Variants in GFRA2 observed in about 807,000 individuals in gnomAD.
GFRA2 encodes the protein GDNF family receptor alpha-2.
A neutral mutation model predicts 48.3 loss-of-function variants in GFRA2; 17 were observed. The observed-to-expected ratio is 0.35, with a 90% CI of 0.24 to 0.53. The LOEUF (loss-of-function observed/expected upper bound fraction) is 0.53. GFRA2 is among the 20% of genes least tolerant of loss of function. The probability of loss-of-function intolerance (pLI) is 0.93; values close to 1 mark genes in which losing one functional copy is unlikely to be tolerated. For missense variants in GFRA2, 660 were observed against 637.3 expected (o/e 1.04, Z -0.38); for synonymous variants, 305 against 257.2 (o/e 1.19, Z -1.78).
At chr8:21,776,838 C>T (rs1368280507) in intron 2 of GFRA2, among the ~76,000 whole-genome samples, 1 of 152,088 alleles carries the variant, frequency 6.6e-6, no homozygotes, top group Non-Finnish European at 1.5e-5. Context: ...CCCTGTCCAG[C>T]CTGGATGATC....
chr8:21,801,376 C>A (rs1807767658), intron 2 of GFRA2, among the ~76,000 whole-genome samples: 1 of 152,126 alleles, frequency 6.6e-6, no homozygotes, highest in African/African-American at 2.4e-5. Flanking sequence ...ATGGGCTGCA[C>A]AGGAGCAACC....
chr8:21,767,201 A>G (rs1250366765), intron 3 of GFRA2, among the ~76,000 whole-genome samples: 3 of 146,686 alleles, frequency 2.0e-5, no homozygotes, highest in African/African-American at 7.6e-5. Flanking sequence ...CCGCCTACAC[A>G]TATCCACCAT....
chr8:21,799,672 C>T (rs1807738447), intron 2 of GFRA2, among the ~76,000 whole-genome samples: 1 of 152,178 alleles, frequency 6.6e-6, no homozygotes, highest in African/African-American at 2.4e-5. Context: ...GCAGTGTGAT[C>T]CCCTGCCCAC....
At chr8:21,772,630 C>T (rs985050568) in intron 3 of GFRA2, among the ~76,000 whole-genome samples, 11 of 152,328 alleles carry the variant, frequency 7.2e-5, no homozygotes, top group Middle Eastern at 6.8e-3. Flanking sequence ...GTCCCCAAAG[C>T]CCAGCCCTCA....
At chr8:21,703,731 G>C (rs1802600863) in intron 6 of GFRA2, among the ~76,000 whole-genome samples, 1 of 152,148 alleles carries the variant, frequency 6.6e-6, no homozygotes, top group African/African-American at 2.4e-5. Context: ...AGCCCGCTGA[G>C]CTCACCTCCT....
intron 4 of GFRA2, among the ~76,000 whole-genome samples, chr8:21,733,596 G>A (rs1485297860): frequency 6.6e-6 from 1 of 152,188 alleles, no homozygotes; most frequent in Non-Finnish European, 1.5e-5. Flanking sequence ...AGGCCGAATA[G>A]GACCCGTGGC....
intron 4 of GFRA2, among the ~76,000 whole-genome samples, chr8:21,729,477 T>A (rs550253400): frequency 2.6e-5 from 4 of 151,546 alleles, no homozygotes; most frequent in African/African-American, 9.7e-5. Context: ...TCTCAGAGAG[T>A]GAAAGCTGGG....
At chr8:21,793,184 A>C (rs1038136533), upstream of GFRA2, among the ~76,000 whole-genome samples, 15 of 152,344 alleles carry the variant, frequency 9.8e-5, no homozygotes, top group East Asian at 2.9e-3. Flanking sequence ...AGAAGAACCA[A>C]GCCTTGCAGT....
rs953924516 is a variant in GFRA2 at position 21,717,518 on chromosome 8, T to C, written c.795-11477A>G. ...CACTGTTCATTATGTTCATTTTTAA[T>C]AAACTTGCCTTATGATTGTAATTAT... is the stretch of plus-strand genomic sequence containing the variant. On this transcript the variant is annotated intron_variant, in intron 4 of 8. Coordinates refer to ENST00000524240, the MANE Select transcript of GFRA2 (RefSeq NM_001495.5). Among the ~76,000 whole-genome samples the C allele has an allele frequency of 1.1e-4, 17 of 152,368 alleles. No homozygotes were observed. The South Asian group carries it at 3.3e-3, about 30-fold the overall frequency.
intron 4 of GFRA2, among the ~76,000 whole-genome samples, chr8:21,725,867 G>T (rs917484904): frequency 2.6e-5 from 4 of 152,218 alleles, no homozygotes; most frequent in African/African-American, 9.6e-5. Flanking sequence ...CACCCGCTGG[G>T]GTTGGGTGTG....
intron 6 of GFRA2, among the ~76,000 whole-genome samples, chr8:21,703,459 C>T (rs1802584469): frequency 6.6e-6 from 1 of 152,092 alleles, no homozygotes; most frequent in South Asian, 2.1e-4. Context: ...CCACTCCACA[C>T]CACAGGCTCT....
chr8:21,728,987 G>A (rs1009039892), intron 4 of GFRA2, among the ~76,000 whole-genome samples: 3 of 152,206 alleles, frequency 2.0e-5, no homozygotes, highest in Non-Finnish European at 2.9e-5. Flanking sequence ...GCCTGTGCCC[G>A]AGTGGCAGAT....
At chr8:21,769,135 T>A in intron 3 of GFRA2, 1 of 979,868 alleles carries the variant, frequency 1.0e-6, no homozygotes, top group Non-Finnish European at 1.2e-6. Context: ...CACCACACAG[T>A]GAGGACACAG....
At chr8:21,772,196 C>T (rs78895113) in intron 3 of GFRA2, among the ~76,000 whole-genome samples, 7,765 of 152,246 alleles carry the variant, frequency 0.051, 323 homozygotes, top group African/African-American at 0.1. Context: ...ACCCAAGATC[C>T]TACAGGTGAT....
intron 4 of GFRA2, among the ~76,000 whole-genome samples, chr8:21,728,549 A>G (rs1804009204): frequency 6.6e-6 from 1 of 152,154 alleles, no homozygotes; most frequent in African/African-American, 2.4e-5. Context: ...TGCTGCGAGT[A>G]TATGAATGAG....
chr8:21,725,708 C>G (rs1803834196), intron 4 of GFRA2, among the ~76,000 whole-genome samples: 1 of 152,334 alleles, frequency 6.6e-6, no homozygotes, highest in South Asian at 2.1e-4. Flanking sequence ...GAAGCCGAGA[C>G]TTAGAACAAT....
intron 4 of GFRA2, among the ~76,000 whole-genome samples, chr8:21,719,152 A>G (rs1246121580): frequency 6.6e-6 from 1 of 151,990 alleles, no homozygotes; most frequent in Non-Finnish European, 1.5e-5. Context: ...AGAAGCAATC[A>G]ATCAGACCCC....
intron 2 of GFRA2, among the ~76,000 whole-genome samples, chr8:21,778,408 A>T (rs1431234474): frequency 6.6e-6 from 1 of 152,154 alleles, no homozygotes; most frequent in African/African-American, 2.4e-5. Flanking sequence ...CAGAGAAAAG[A>T]TGCAGTCTTC....
rs750542417 is a variant in GFRA2 at position 21,694,510 on chromosome 8, C to A, written c.1226G>T (p.Gly409Val). The A allele has an allele frequency of 6.2e-7, 1 of 1,610,964 alleles. No individual in the cohort carries two copies. The highest frequency in any genetic ancestry group is 1.3e-5 in the African/African-American group (1 of 74,994). Residue 409 changes from glycine to valine, a missense_variant, in exon 8 of 9, where the codon GGG becomes GTG. By Grantham distance (109) the Gly-to-Val change is moderately radical. Transcript: ENST00000524240. The stretch of plus-strand genomic sequence containing the variant: ...CTCTTTGGAGTTGTTGGCCTTCAGC[C>A]CCTGCTCCTGCGAGAGAGAAGGTGC... ...ITTCTSVQEQ[G>V]LKANNSKELS...
Sources: allele counts gnomAD v4.1 joint callset (sites outside exome capture counted in the v4.1 genomes callset), GRCh38; gene constraint gnomAD v4.1.1; transcripts MANE v1.5; gene names NCBI Gene and HGNC (gene_info 2026-07-23, HGNC 2026-07-21).